RBFOX1: variants seen among roughly 807,000 people sequenced by gnomAD.
RBFOX1 encodes RNA binding fox-1 homolog 1.
A neutral mutation model predicts 57.7 loss-of-function variants in RBFOX1; 8 were observed. That is an observed-to-expected ratio of 0.14 (90% confidence interval 0.08 to 0.25). The LOEUF (loss-of-function observed/expected upper bound fraction) is 0.25, where lower values mean the gene tolerates loss of function less well. Ranked by LOEUF, RBFOX1 falls within the 10% of genes least tolerant of loss-of-function variation. The pLI, the probability that RBFOX1 is intolerant of heterozygous loss-of-function variation, is 1.00. For synonymous variants in RBFOX1, 326 were observed against 222.4 expected (o/e 1.47, Z -4.15); for missense variants, 611 against 548.5 (o/e 1.11, Z -1.14).
In RBFOX1 at chr16:6,237,223, A is replaced by G. The variant is rs187910327; in HGVS notation, c.-126-79772A>G. ...TTTCGTTAGGTATTTCGTCTTTGTT[A>G]TCTTGCTAAAGCAGAAGGCTGTTGT... On this transcript the variant is annotated intron_variant, in intron 1 of 15. Transcript: ENST00000550418. Among the ~76,000 whole-genome samples, 133 of 152,314 alleles carry G rather than the reference A, an allele frequency of 8.7e-4. 1 individual carries two copies. Among genetic ancestry groups the G allele is most frequent in the Admixed American group, 8.6e-3 (132 of 15,300 alleles).
chr16:6,796,350 G>C (rs1440006056), intron 3 of RBFOX1, among the ~76,000 whole-genome samples: 2 of 152,126 alleles, frequency 1.3e-5, no homozygotes, highest in Non-Finnish European at 2.9e-5. Flanking sequence ...TGGGTACACA[G>C]CCAAACCATA....
At chr16:7,490,721 A>T (rs930356128) in intron 4 of RBFOX1, among the ~76,000 whole-genome samples, 3 of 152,170 alleles carry the variant, frequency 2.0e-5, no homozygotes, top group African/African-American at 7.2e-5. Context: ...GGGTGTTGAT[A>T]GCTTTCACTA....
At chr16:6,384,864 T>A (rs2092133117) in intron 2 of RBFOX1, among the ~76,000 whole-genome samples, 1 of 152,174 alleles carries the variant, frequency 6.6e-6, no homozygotes, top group East Asian at 1.9e-4. Context: ...CTTTTCTAAC[T>A]AACGTGTATC....
chr16:6,431,892 GCTTGCTTT>G (rs1439919883), intron 2 of RBFOX1, among the ~76,000 whole-genome samples: 1,377 of 117,936 alleles, frequency 0.012, 9 homozygotes, highest in African/African-American at 0.028. Context: ...ATGCTTGCTT[GCTTGCTTT>G]CTTTCTTTCT....
At chr16:7,705,581 G>C (rs1005187535) in intron 14 of RBFOX1, among the ~76,000 whole-genome samples, 4 of 152,200 alleles carry the variant, frequency 2.6e-5, no homozygotes, top group African/African-American at 9.6e-5. Flanking sequence ...GATTGAAAGA[G>C]GGACAGAGGC....
rs530532680 is a variant in RBFOX1 at position 7,312,453 on chromosome 16, C to G, written c.28-205694C>G. On this transcript the variant is annotated intron_variant, in intron 4 of 15. Transcript: ENST00000550418. The stretch of plus-strand genomic sequence containing the variant: ...GAAACGTAGGATTTGTTTATTGAAG[C>G]TGGACATAAACTTCTCGTTTCCATT... Among the ~76,000 whole-genome samples, 6 of 152,304 alleles carry G rather than the reference C, an allele frequency of 3.9e-5. No homozygotes were observed. In the South Asian group the frequency reaches 1.0e-3, roughly 26 times the overall value.
chr16:5,857,007 A>G (rs546664029), intron 3 of RBFOX1, among the ~76,000 whole-genome samples: 19 of 152,266 alleles, frequency 1.2e-4, no homozygotes, highest in Middle Eastern at 3.4e-3. Context: ...CTTTTGGCCT[A>G]TCTTTGCTTT....
intron 2 of RBFOX1, among the ~76,000 whole-genome samples, chr16:6,337,067 A>G (rs2083865508): frequency 6.6e-6 from 1 of 152,206 alleles, no homozygotes; most frequent in African/African-American, 2.4e-5. Flanking sequence ...GGAACCCAAG[A>G]GTTCAGAGCA....
chr16:6,158,749 A>G (rs979107499), intron 1 of RBFOX1, among the ~76,000 whole-genome samples: 2 of 152,192 alleles, frequency 1.3e-5, no homozygotes, highest in Non-Finnish European at 2.9e-5. Flanking sequence ...AAGTTTCTGC[A>G]TTTAAATATT....
chr16:6,668,070 A>C (rs1249791638), intron 3 of RBFOX1, among the ~76,000 whole-genome samples: 1 of 152,204 alleles, frequency 6.6e-6, no homozygotes, highest in African/African-American at 2.4e-5. Context: ...TAAACTGGAT[A>C]CCAAACCCTC....
intron 1 of RBFOX1, among the ~76,000 whole-genome samples, chr16:6,266,059 C>G (rs1373609352): frequency 6.6e-6 from 1 of 152,136 alleles, no homozygotes; most frequent in African/African-American, 2.4e-5. Flanking sequence ...ATACATCTTA[C>G]TTCAGCTAAT....
intron 10 of RBFOX1, among the ~76,000 whole-genome samples, chr16:7,618,493 G>C (rs1268293287): frequency 6.6e-6 from 1 of 152,030 alleles, no homozygotes; most frequent in East Asian, 1.9e-4. Flanking sequence ...AATCTTTTAA[G>C]AAAGTAAATT....
intron 4 of RBFOX1, among the ~76,000 whole-genome samples, chr16:7,476,105 A>G (rs2062644392): frequency 6.6e-6 from 1 of 152,150 alleles, no homozygotes; most frequent in South Asian, 2.1e-4. Context: ...AGCTGGGACC[A>G]CTAGCACACA....
chr16:6,370,362 G>GA lies in RBFOX1; in HGVS notation c.-64+53334dup, dbSNP rs71145221. Reference sequence around the variant, plus strand: ...GACAGATAGAGACTCCGTCTCAAAAGAAAAAAAAAAAAAAAAAAAAAAAAA... The same window carrying GA: ...GACAGATAGAGACTCCGTCTCAAAAGAAAAAAAAAAAAAAAAAAAAAAAAAA... On this transcript the variant is annotated intron_variant, in intron 2 of 15. Transcript: ENST00000550418. Among the ~76,000 whole-genome samples the GA allele has an allele frequency of 1.3e-3, 106 of 82,004 alleles. 4 individuals are homozygous for GA. Among genetic ancestry groups the GA allele is most frequent in the Non-Finnish European group, 1.5e-3 (68 of 46,014 alleles). 53.8% of individuals were successfully genotyped at this position (82,004 alleles called of 152,430 possible).
At chr16:6,116,557 G>A (rs941910474) in intron 1 of RBFOX1, among the ~76,000 whole-genome samples, 8 of 152,152 alleles carry the variant, frequency 5.3e-5, no homozygotes, top group Non-Finnish European at 1.2e-4. Context: ...CCACCTGCTT[G>A]GAGATGAAGC....
chr16:7,324,326 G>A (rs2096583320), intron 4 of RBFOX1, among the ~76,000 whole-genome samples: 1 of 152,192 alleles, frequency 6.6e-6, no homozygotes, highest in Admixed American at 6.5e-5. Context: ...ACCAGTCCTG[G>A]AGACCTGTGC....
chr16:5,689,147 C>A (rs1175031566), intron 3 of RBFOX1, among the ~76,000 whole-genome samples: 1 of 152,174 alleles, frequency 6.6e-6, no homozygotes, highest in East Asian at 1.9e-4. Context: ...ATGTCAAGGT[C>A]ACGTCCAGAG....
Position 6,381,823 on chromosome 16 carries a change from C to T in RBFOX1, c.-64+64766C>T, listed in dbSNP as rs77984219. ...CAGCAAGTGGACTTCATCGCATTAT[C>T]ATGCATTCACCTGGTCAGTTTCTGC... is the stretch of plus-strand genomic sequence containing the variant. On this transcript the variant is annotated intron_variant, in intron 2 of 15. Coordinates refer to ENST00000550418, the MANE Select transcript of RBFOX1 (RefSeq NM_018723.4). Among the ~76,000 whole-genome samples, 515 of 152,318 alleles carry T rather than the reference C, an allele frequency of 3.4e-3. 14 individuals are homozygous for T. In the East Asian group the frequency reaches 0.06, roughly 18 times the overall value.
At chr16:7,190,777 C>T (rs1005717598) in intron 4 of RBFOX1, among the ~76,000 whole-genome samples, 8 of 152,180 alleles carry the variant, frequency 5.3e-5, no homozygotes, top group East Asian at 3.9e-4. Flanking sequence ...GGGTTTATGG[C>T]ATTGCTCATA....
Sources: allele counts gnomAD v4.1 joint callset (sites outside exome capture counted in the v4.1 genomes callset), GRCh38; gene constraint gnomAD v4.1.1; transcripts MANE v1.5; gene names NCBI Gene and HGNC (gene_info 2026-07-23, HGNC 2026-07-21).